The following ZBTB40 variants were observed in gnomAD, a reference collection of about 807,000 sequenced individuals.
ZBTB40 encodes the protein zinc finger and BTB domain containing 40.
In ZBTB40, 60 loss-of-function variants were observed where a neutral mutation model predicts 117.5. The ratio of observed to expected loss-of-function variants is 0.51; its 90% CI spans 0.41 to 0.63. The LOEUF (loss-of-function observed/expected upper bound fraction) is 0.63. Among genes scored for constraint, ZBTB40 ranks in the 30% least tolerant of loss-of-function variants. The pLI is 0.00. For missense variants in ZBTB40, 1,287 were observed against 1,498.5 expected, an observed-to-expected ratio of 0.86 and a Z score of 2.33; for synonymous variants, 525 against 577.1, an observed-to-expected ratio of 0.91 and a Z score of 1.29.
chr1:22,432,996 T>A (rs1372009755), intron 1 of ZBTB40, among the ~76,000 whole-genome samples: 1 of 152,210 alleles, frequency 6.6e-6, no homozygotes. Flanking sequence ...CAGAAAAGGT[T>A]TGTTGATCCC....
upstream of ZBTB40, among the ~76,000 whole-genome samples, chr1:22,448,624 G>C (rs10218680): frequency 0.66 from 100,603 of 151,912 alleles, 33,735 homozygotes; most frequent in East Asian, 0.9. Flanking sequence ...AATTATTTAC[G>C]CCCTCTAAGT....
intron 1 of ZBTB40, among the ~76,000 whole-genome samples, chr1:22,475,964 C>T (rs955552524): frequency 3.3e-5 from 5 of 152,134 alleles, no homozygotes; most frequent in African/African-American, 1.2e-4. Flanking sequence ...GGTCCAGTTC[C>T]CTGAGGCACA....
At position 22,530,218 on chromosome 1, in the gene ZBTB40, G is replaced by C. The variant is rs1639793675; in HGVS notation, c.*3822G>C. On this transcript the variant is annotated 3_prime_UTR_variant, in exon 18 of 18. Transcript: ENST00000375647. ...GGATGCTATAATGAGTCCTCCCCAA[G>C]GGTGAGTTCAGCACCCCAGCCCTGT... The C allele has an allele frequency of 6.6e-6, 1 of 152,244 alleles. No homozygotes were observed. The highest frequency in any genetic ancestry group is 2.4e-5 in the African/African-American group (1 of 41,398). The allele number at this position is 152,244 out of a possible 1,614,324, so 9.4% of individuals were successfully genotyped here.
intron 1 of ZBTB40, among the ~76,000 whole-genome samples, chr1:22,446,810 T>C (rs562754059): frequency 6.6e-6 from 1 of 152,016 alleles, no homozygotes; most frequent in Non-Finnish European, 1.5e-5. Context: ...AGGAAAATTA[T>C]ATAGGTTAGA....
chr1:22,471,768 CAT>C (rs1641411459), intron 1 of ZBTB40, among the ~76,000 whole-genome samples: 1 of 152,224 alleles, frequency 6.6e-6, no homozygotes, highest in African/African-American at 2.4e-5. Flanking sequence ...ATGCTGAACA[CAT>C]GACACCTGAC....
At chr1:22,430,270 C>G (rs74223705) in intron 1 of ZBTB40, among the ~76,000 whole-genome samples, 1,687 of 152,176 alleles carry the variant, frequency 0.011, 56 homozygotes, top group Admixed American at 0.061. Context: ...ATAATCTTGT[C>G]TCATACTGTC....
At chr1:22,480,793 A>G (rs1638280668) in intron 1 of ZBTB40, among the ~76,000 whole-genome samples, 1 of 152,220 alleles carries the variant, frequency 6.6e-6, no homozygotes, top group African/African-American at 2.4e-5. Flanking sequence ...TCTGTATGGC[A>G]TAGACATGCA....
intron 12 of ZBTB40, 97 bp from the exon 13 acceptor site, chr1:22,517,203 T>A: frequency 6.5e-7 from 1 of 1,540,988 alleles, no homozygotes; most frequent in Non-Finnish European, 8.9e-7. Flanking sequence ...ATCTACCAGA[T>A]GATATTTCCC....
intron 1 of ZBTB40, among the ~76,000 whole-genome samples, chr1:22,459,298 T>C (rs1641078285): frequency 6.6e-6 from 1 of 152,232 alleles, no homozygotes; most frequent in Non-Finnish European, 1.5e-5. Context: ...AGCATCCATT[T>C]ATATTTTCTT....
chr1:22,436,362 A>T (rs1640670666), intron 1 of ZBTB40, among the ~76,000 whole-genome samples: 1 of 152,034 alleles, frequency 6.6e-6, no homozygotes, highest in Non-Finnish European at 1.5e-5. Context: ...ATACAAAAAA[A>T]TTAGCCGGGT....
chr1:22,499,495 A>G (rs531486338), intron 3 of ZBTB40, among the ~76,000 whole-genome samples: 38 of 152,332 alleles, frequency 2.5e-4, no homozygotes, highest in African/African-American at 7.5e-4. Context: ...AGAGATTTCA[A>G]GTCAACTAAC....
At chr1:22,467,914 G>T (rs1441865719) in intron 1 of ZBTB40, among the ~76,000 whole-genome samples, 1 of 151,676 alleles carries the variant, frequency 6.6e-6, no homozygotes, top group Non-Finnish European at 1.5e-5. Context: ...GGCAACATAG[G>T]GAGACCCTGT....
chr1:22,433,903 T>C (rs1640635932), intron 1 of ZBTB40, among the ~76,000 whole-genome samples: 1 of 152,064 alleles, frequency 6.6e-6, no homozygotes, highest in Non-Finnish European at 1.5e-5. Flanking sequence ...ATTTTACTTT[T>C]CTCCTATTTC....
In ZBTB40 at chr1:22,441,473, CTTTTTT is replaced by C. The variant is rs71020419; in HGVS notation, c.-70+12476_-70+12481del. On this transcript the variant is annotated intron_variant, in intron 1 of 8. Coordinates refer to the ZBTB40 transcript ENST00000650433. The stretch of plus-strand genomic sequence containing the variant: ...TGCTTCAGTCTTTATTATTTGCTTT[CTTTTTT>C]TTTTTTTTTTTTTTTTGAGACAGAG... Among the ~76,000 whole-genome samples, 7 of 73,724 alleles carry C rather than the reference CTTTTTT, an allele frequency of 9.5e-5. No homozygotes were observed. The East Asian group carries it at 3.6e-3, about 38-fold the overall frequency. 48.4% of individuals were successfully genotyped at this position (73,724 alleles called of 152,430 possible). A position where few individuals can be genotyped will look rare whatever the true frequency, so the allele number is the denominator to read the frequency against.
At chr1:22,467,776 GT>G (rs35900750) in intron 1 of ZBTB40, among the ~76,000 whole-genome samples, 45,496 of 130,280 alleles carry the variant, frequency 0.35, 8,954 homozygotes, top group African/African-American at 0.55. Flanking sequence ...TGTCAGGCCT[GT>G]TTTTTTTTTT....
intron 1 of ZBTB40, among the ~76,000 whole-genome samples, chr1:22,443,135 G>A (rs888042030): frequency 2.6e-5 from 4 of 152,100 alleles, no homozygotes; most frequent in Admixed American, 2.6e-4. Context: ...AAGTCTCAAC[G>A]AAAATTATTT....
chr1:22,496,329 G>GTGC (rs1638773110), intron 3 of ZBTB40, among the ~76,000 whole-genome samples: 1 of 152,200 alleles, frequency 6.6e-6, no homozygotes, highest in Non-Finnish European at 1.5e-5. Context: ...AGACCAGGTA[G>GTGC]TGCTCAGAAG....
At chr1:22,437,966 A>G (rs1640691351) in intron 1 of ZBTB40, among the ~76,000 whole-genome samples, 1 of 151,662 alleles carries the variant, frequency 6.6e-6, no homozygotes, top group African/African-American at 2.4e-5. Context: ...CCCTGTCTCT[A>G]CTAAAAATAC....
chr1:22,508,073 C>T lies in ZBTB40; in HGVS notation c.1433C>T (p.Thr478Ile). Reference protein sequence around the residue: ...RYHENLSEIFTDNQILLKMIS... With the variant: ...RYHENLSEIFIDNQILLKMIS... ...CATGAAAACCTCTCTGAGATTTTCA[C>T]AGACAACCAGATTTTATTAAAGATG... Residue 478 changes from threonine (T) to isoleucine (I), a missense_variant, in exon 7 of 18, where the codon ACA (threonine) becomes ATA (isoleucine). Thr to Ile is a moderately conservative substitution (Grantham distance 89). Coordinates refer to ENST00000375647, the MANE Select transcript of ZBTB40 (RefSeq NM_014870.4). The T allele has an allele frequency of 6.2e-7, 1 of 1,614,084 alleles. No individual in the cohort carries two copies. Among genetic ancestry groups the T allele is most frequent in the Non-Finnish European group, 8.5e-7 (1 of 1,180,034 alleles).
Sources: allele counts gnomAD v4.1 joint callset (sites outside exome capture counted in the v4.1 genomes callset), GRCh38; gene constraint gnomAD v4.1.1; transcripts MANE v1.5; gene names NCBI Gene and HGNC (gene_info 2026-07-23, HGNC 2026-07-21).